ZNF544: variants seen among roughly 807,000 people sequenced by gnomAD.
The protein encoded by ZNF544 is zinc finger protein 544.
Under a neutral mutation model 13.5 loss-of-function variants are expected in ZNF544, and 10 were observed. That is an observed-to-expected ratio of 0.74 (90% CI 0.46 to 1.25). The LOEUF (loss-of-function observed/expected upper bound fraction) is 1.25, where lower values mean the gene tolerates loss of function less well. ZNF544 is among the 50% of genes most tolerant of loss of function. The pLI, the probability that ZNF544 is intolerant of heterozygous loss-of-function variation, is 0.00. For missense variants in ZNF544, 896 were observed against 845.6 expected (o/e 1.06, Z -0.74); for synonymous variants, 323 against 300.5 (o/e 1.07, Z -0.77).
rs552626492 is a variant in ZNF544, at chr19:58,243,708, G to A, written c.-59-257G>A. Among the ~76,000 whole-genome samples, 83 of 152,182 alleles carry A rather than the reference G, an allele frequency of 5.5e-4. 1 individual carries two copies. The highest frequency in any genetic ancestry group is 1.9e-3 in the African/African-American group (77 of 41,520). On this transcript the variant is annotated intron_variant, in intron 3 of 6. Transcript: ENST00000687789. ...GCCTCCACCTCCCTTCCTTAGTCACGAAATGATAGGAAAAATGCCCCTCCT... is the reference window on the plus strand; with the variant it reads ...GCCTCCACCTCCCTTCCTTAGTCACAAAATGATAGGAAAAATGCCCCTCCT...
intron 5 of ZNF544, 67 bp from the exon 6 acceptor site, chr19:58,246,644 C>G (rs2045284095): frequency 6.3e-7 from 1 of 1,579,350 alleles, no homozygotes; most frequent in South Asian, 1.1e-5. Flanking sequence ...GGGGCTGAAG[C>G]TTGGACCCAG....
At chr19:58,265,788 A>T (rs1600414899), downstream of ZNF544, among the ~76,000 whole-genome samples, 1 of 145,022 alleles carries the variant, frequency 6.9e-6, no homozygotes, top group Non-Finnish European at 1.5e-5. Context: ...AGGTCTCACC[A>T]TGTTGCCCAG....
chr19:58,266,062 C>T (rs1052726619), downstream of ZNF544, among the ~76,000 whole-genome samples: 6 of 151,680 alleles, frequency 4.0e-5, no homozygotes, highest in African/African-American at 1.2e-4. Flanking sequence ...AAAAATTAGC[C>T]AGGTGTCATG....
intron 6 of ZNF544, among the ~76,000 whole-genome samples, chr19:58,253,800 G>T (rs760873845): frequency 6.6e-6 from 1 of 152,136 alleles, no homozygotes; most frequent in Non-Finnish European, 1.5e-5. Flanking sequence ...TTTTGGCTGG[G>T]TTAATACCTT....
At chr19:58,238,194 A>T (rs1246072693) in intron 3 of ZNF544, among the ~76,000 whole-genome samples, 4 of 152,104 alleles carry the variant, frequency 2.6e-5, no homozygotes, top group African/African-American at 7.2e-5. Context: ...GGCCTCCCAG[A>T]GTGCTGGGAT....
At chr19:58,276,547 A>C in intron 6 of ZNF544, 1 of 501,812 alleles carries the variant, frequency 2.0e-6, no homozygotes, top group Non-Finnish European at 3.0e-6. Flanking sequence ...AGCTAATCGC[A>C]ACCTCCGCCT....
chr19:58,261,445 G>A lies in ZNF544; in HGVS notation c.839G>A (p.Ser280Asn), dbSNP rs759755666. Reference sequence around the variant, plus strand: ...TGTAAGGATTATGGAAACCTCTTCAGTCACAGTGTGTCTCTGAATGAACAG... The same window carrying A: ...TGTAAGGATTATGGAAACCTCTTCAATCACAGTGTGTCTCTGAATGAACAG... ...DDCKDYGNLF[S>N]HSVSLNEQKP... The change falls in exon 7 of 7, where the codon AGT (serine) becomes AAT (asparagine). Residue 280 changes from serine to asparagine, a missense_variant. By Grantham distance (46) the Ser-to-Asn change is conservative (BLOSUM62 1). Coordinates refer to ENST00000687789, the MANE Select transcript of ZNF544 (RefSeq NM_014480.4). The A allele has an allele frequency of 2.5e-6, 4 of 1,614,082 alleles. No homozygotes were observed. Among genetic ancestry groups the A allele is most frequent in the Non-Finnish European group, 3.4e-6 (4 of 1,180,044 alleles).
chr19:58,238,176 C>T (rs2042832083), intron 3 of ZNF544, among the ~76,000 whole-genome samples: 1 of 152,196 alleles, frequency 6.6e-6, no homozygotes, highest in African/African-American at 2.4e-5. Context: ...AGGTGATCCA[C>T]CAGCCTTGGC....
At chr19:58,233,612 A>G (rs2041805983) in intron 3 of ZNF544, among the ~76,000 whole-genome samples, 1 of 152,210 alleles carries the variant, frequency 6.6e-6, no homozygotes, top group Non-Finnish European at 1.5e-5. Context: ...TATTCTGCCC[A>G]CAGAAAATTT....
chr19:58,257,815 C>A (rs2047862540), intron 6 of ZNF544: 1 of 152,228 alleles, frequency 6.6e-6, no homozygotes, highest in Non-Finnish European at 1.5e-5. Context: ...CCTTTTCCGA[C>A]TGGCTGCTTT....
At chr19:58,260,802 C>T (rs1386056300) in intron 6 of ZNF544, 49 bp from the exon 7 acceptor site, 17 of 1,492,106 alleles carry the variant, frequency 1.1e-5, no homozygotes, top group Non-Finnish European at 1.5e-5. Context: ...CCCTCCCCCT[C>T]CCCCTCTGAT....
chr19:58,272,805 G>A (rs1430906365), intron 5 of ZNF544, among the ~76,000 whole-genome samples: 6 of 150,374 alleles, frequency 4.0e-5, no homozygotes, highest in Admixed American at 2.0e-4. Context: ...CCTGGGAGGC[G>A]GAGGTTGCAG....
At chr19:58,236,987 C>T (rs984024602) in intron 3 of ZNF544, among the ~76,000 whole-genome samples, 4 of 151,808 alleles carry the variant, frequency 2.6e-5, no homozygotes, top group African/African-American at 4.8e-5. Flanking sequence ...GTGATCCACA[C>T]GCCTCGGCCT....
chr19:58,237,581 G>T (rs2042693298), intron 3 of ZNF544, among the ~76,000 whole-genome samples: 2 of 152,190 alleles, frequency 1.3e-5, no homozygotes, highest in Non-Finnish European at 2.9e-5. Flanking sequence ...GCGGTCCGAG[G>T]GGCCCTTCCA....
intron 3 of ZNF544, among the ~76,000 whole-genome samples, chr19:58,232,180 A>G (rs1225570410): frequency 6.6e-6 from 1 of 152,072 alleles, no homozygotes; most frequent in Admixed American, 6.6e-5. Context: ...ACTGAAAATA[A>G]AAAGTTAAAG....
At chr19:58,272,557 TTAAAAA>T (rs1050362675) in intron 5 of ZNF544, among the ~76,000 whole-genome samples, 14 of 150,258 alleles carry the variant, frequency 9.3e-5, no homozygotes, top group African/African-American at 2.9e-4. Context: ...CCCTGTTTCT[TTAAAAA>T]TAAAAATAAA....
chr19:58,238,173 C>T (rs2042831458), intron 3 of ZNF544, among the ~76,000 whole-genome samples: 2 of 152,176 alleles, frequency 1.3e-5, no homozygotes, highest in South Asian at 2.1e-4. Flanking sequence ...CTCAGGTGAT[C>T]CACCAGCCTT....
At chr19:58,235,866 G>A (rs2042269733) in intron 3 of ZNF544, among the ~76,000 whole-genome samples, 1 of 151,864 alleles carries the variant, frequency 6.6e-6, no homozygotes, top group Non-Finnish European at 1.5e-5. Flanking sequence ...TTTGAGACCA[G>A]CCTGACCAAC....
At chr19:58,248,273 C>CTTTT (rs34774786) in intron 6 of ZNF544, among the ~76,000 whole-genome samples, 3 of 108,514 alleles carry the variant, frequency 2.8e-5, no homozygotes, top group Non-Finnish European at 3.7e-5. Flanking sequence ...TTTTTTTTTT[C>CTTTT]TTTTTTTTTT....
Sources: gnomAD v4.1 joint callset for allele counts (sites outside exome capture counted in the v4.1 genomes callset) on GRCh38, gnomAD v4.1.1 for gene constraint, MANE v1.5 for transcripts, NCBI Gene and HGNC (gene_info 2026-07-23, HGNC 2026-07-21) for gene names.